RYR3: variants seen among roughly 807,000 people sequenced by gnomAD.
The protein encoded by RYR3 is ryanodine receptor 3, also known as brain ryanodine receptor-calcium release channel.
A neutral mutation model predicts 584.3 loss-of-function variants in RYR3; 207 were observed. The ratio of observed to expected loss-of-function variants is 0.35; its 90% CI spans 0.32 to 0.40. The LOEUF (loss-of-function observed/expected upper bound fraction) is 0.40, where lower values mean the gene tolerates loss of function less well. Ranked by LOEUF, RYR3 falls within the 10% of genes least tolerant of loss-of-function variation. The pLI is 1.00. For synonymous variants in RYR3, 2,416 were observed against 2,248.5 expected (o/e 1.07, Z -2.11); for missense variants, 5,616 against 6,089.2 (o/e 0.92, Z 2.59).
chr15:33,785,526 C>T, intron 65 of RYR3, 136 bp from the exon 66 acceptor site: 2 of 692,022 alleles, frequency 2.9e-6, no homozygotes, highest in East Asian at 2.8e-5. Context: ...ACAAAAGCCA[C>T]TCCACATCCA....
chr15:33,416,192 C>T (rs533454971), intron 1 of RYR3, among the ~76,000 whole-genome samples: 2 of 152,130 alleles, frequency 1.3e-5, no homozygotes, highest in African/African-American at 2.4e-5. Flanking sequence ...TTTGGTAGAA[C>T]GATTTAATTT....
chr15:33,662,886 G>A lies in RYR3; in HGVS notation c.5356G>A (p.Gly1786Ser), dbSNP rs759581452. ...GGCTGTGGAGGCTGGGGAGAAGGCC[G>A]GCAAGGAGGCTCCTGTCAAAGGCTT... ...EKAVEAGEKA[G>S]KEAPVKGLLQ... is the part of the protein sequence containing the mutation. Residue 1786 changes from glycine to serine, a missense_variant, in exon 35 of 104, where the codon GGC (glycine) becomes AGC (serine). Around this residue, in one of 9 missense-constraint regions of RYR3, gnomAD observed 753 missense variants for 741.0 expected, o/e 1.02. Coordinates refer to ENST00000634891, the MANE Select transcript of RYR3 (RefSeq NM_001036.6). The A allele has an allele frequency of 1.4e-5, 22 of 1,613,438 alleles. No homozygotes were observed. In the Middle Eastern group the frequency reaches 4.9e-4, roughly 36 times the overall value.
rs928207725 is a variant in RYR3 at position 33,699,781 on chromosome 15, G to T, written c.6327G>T (p.Lys2109Asn). The T allele has an allele frequency of 3.1e-6, 5 of 1,613,896 alleles. No individual in the cohort carries two copies. The highest frequency in any genetic ancestry group is 8.5e-7 in the Non-Finnish European group (1 of 1,179,844). The change falls in exon 41 of 104, where the codon AAG becomes AAT. Residue 2109 changes from lysine to asparagine, a missense_variant. Physicochemically the swap from Lys to Asn is moderately conservative, Grantham distance 94 (BLOSUM62 0). Transcript: ENST00000634891. ...GTCGAATTAGCCGGCAAAATCAGAAGGCCATGTTTGAGCATCTGAGTTATC... is the reference window on the plus strand; with the variant it reads ...GTCGAATTAGCCGGCAAAATCAGAATGCCATGTTTGAGCATCTGAGTTATC... ...YFCRISRQNQ[K>N]AMFEHLSYLL...
intron 1 of RYR3, among the ~76,000 whole-genome samples, chr15:33,319,772 A>G (rs1025282905): frequency 2.0e-5 from 3 of 152,290 alleles, no homozygotes; most frequent in African/African-American, 7.2e-5. Flanking sequence ...GGAGAACTAG[A>G]TATGTAAATC....
At chr15:33,858,111 G>A in intron 99 of RYR3, 197 bp downstream of exon 99, 1 of 723,894 alleles carries the variant, frequency 1.4e-6, no homozygotes, top group Non-Finnish European at 2.2e-6. Flanking sequence ...AGTGATGGAG[G>A]TAGTTTTCAT....
chr15:33,423,445 A>C (rs2044379585), intron 1 of RYR3, among the ~76,000 whole-genome samples: 1 of 152,150 alleles, frequency 6.6e-6, no homozygotes, highest in South Asian at 2.1e-4. Context: ...GGTTATTGTG[A>C]ATTGGCCTGT....
intron 53 of RYR3, among the ~76,000 whole-genome samples, 188 bp from the exon 54 acceptor site, chr15:33,747,926 A>T (rs1380512363): frequency 6.6e-6 from 1 of 152,200 alleles, no homozygotes; most frequent in Non-Finnish European, 1.5e-5. Flanking sequence ...GTAGGGTCTT[A>T]TATCTAAAAA....
intron 1 of RYR3, among the ~76,000 whole-genome samples, chr15:33,419,081 G>C (rs1359641327): frequency 6.6e-6 from 1 of 152,070 alleles, no homozygotes; most frequent in Non-Finnish European, 1.5e-5. Context: ...AAGCCTTTGG[G>C]CTGGGGAGCA....
At chr15:33,487,052 G>A (rs1237185883) in intron 2 of RYR3, among the ~76,000 whole-genome samples, 2 of 152,100 alleles carry the variant, frequency 1.3e-5, no homozygotes, top group African/African-American at 4.8e-5. Context: ...ACAAAAATTA[G>A]CCAGGTGTGG....
rs187683828 is a variant in RYR3 at position 33,865,112 on chromosome 15, G to A, written c.14518-19G>A. ...TACTGTGGTTTAAAAATAAGCACCC[G>A]TTGTTCATATTATTTCAGGAATCTT... On this transcript the variant is annotated intron_variant, in intron 103 of 103. Coordinates refer to ENST00000634891, the MANE Select transcript of RYR3 (RefSeq NM_001036.6). 1,453 of 1,587,322 alleles carry A rather than the reference G, an allele frequency of 9.2e-4. 1 individual carries two copies. The highest frequency in any genetic ancestry group is 1.2e-3 in the Non-Finnish European group (1,341 of 1,156,860).
At chr15:33,640,873 T>C (rs575034795) in intron 27 of RYR3, among the ~76,000 whole-genome samples, 1 of 152,356 alleles carries the variant, frequency 6.6e-6, no homozygotes, top group South Asian at 2.1e-4. Context: ...CTTTGCCCTC[T>C]TATTATATTT....
chr15:33,807,320 G>C (rs1043073643), intron 69 of RYR3, among the ~76,000 whole-genome samples: 2 of 152,110 alleles, frequency 1.3e-5, no homozygotes, highest in African/African-American at 4.8e-5. Context: ...GCTGCTTCTG[G>C]GTTGATTGTT....
chr15:33,644,015 C>G (rs76974208), intron 27 of RYR3, among the ~76,000 whole-genome samples: 1,782 of 152,220 alleles, frequency 0.012, 51 homozygotes, highest in African/African-American at 0.04. Flanking sequence ...ACTGGTTTTG[C>G]CTTTCCAGTT....
At chr15:33,643,638 T>A (rs2061949514) in intron 27 of RYR3, among the ~76,000 whole-genome samples, 1 of 152,048 alleles carries the variant, frequency 6.6e-6, no homozygotes, top group Non-Finnish European at 1.5e-5. Flanking sequence ...ATTTAAAACT[T>A]CTTAGAATCC....
At chr15:33,395,624 A>C (rs757413734) in intron 1 of RYR3, among the ~76,000 whole-genome samples, 3 of 152,188 alleles carry the variant, frequency 2.0e-5, no homozygotes, top group Non-Finnish European at 4.4e-5. Flanking sequence ...CTGCTAAGTA[A>C]GTCCTTCCAC....
intron 1 of RYR3, among the ~76,000 whole-genome samples, chr15:33,438,071 C>T (rs980163926): frequency 6.6e-6 from 1 of 152,088 alleles, no homozygotes; most frequent in Non-Finnish European, 1.5e-5. Context: ...TAACCTCTAA[C>T]CAGAATTTGT....
chr15:33,708,266 A>G (rs1357483717), intron 43 of RYR3, among the ~76,000 whole-genome samples: 2 of 152,210 alleles, frequency 1.3e-5, no homozygotes, highest in Non-Finnish European at 1.5e-5. Flanking sequence ...AAGAATTTAT[A>G]CAGCTCGCCA....
chr15:33,796,040 A>C (rs968746861), intron 67 of RYR3, among the ~76,000 whole-genome samples: 1 of 152,138 alleles, frequency 6.6e-6, no homozygotes, highest in African/African-American at 2.4e-5. Context: ...AAGCTGAAAA[A>C]AGCTCTTACC....
In RYR3 at chr15:33,339,761, C is replaced by T. The variant is rs28581910; in HGVS notation, c.51+28665C>T. ...AAAATTAGTCGGGTGTAGTGGTGGG[C>T]GCCTGTAGTCCCAGCTACTCGGGAG... On this transcript the variant is annotated intron_variant, in intron 1 of 103. Coordinates refer to ENST00000634891, the MANE Select transcript of RYR3 (RefSeq NM_001036.6). 8.0e-3 allele frequency among the ~76,000 whole-genome samples: 1,217 copies of T among 151,470 alleles called. 14 individuals carry two copies. The highest frequency in any genetic ancestry group is 0.028 in the African/African-American group (1,163 of 41,268).
Sources: allele counts gnomAD v4.1 joint callset (sites outside exome capture counted in the v4.1 genomes callset), GRCh38; gene constraint gnomAD v4.1.1; regional missense constraint gnomAD v4.1.1; transcripts MANE v1.5; gene names NCBI Gene and HGNC (gene_info 2026-07-23, HGNC 2026-07-21).